The following PER3 variants were observed in gnomAD, a reference collection of about 807,000 sequenced individuals.
The protein encoded by PER3 is period circadian protein homolog 3.
In PER3, 107 loss-of-function variants were observed where a neutral mutation model predicts 127.2. The observed-to-expected ratio is 0.84, with a 90% CI of 0.72 to 0.99. PER3 has a LOEUF of 0.99. Among genes scored for constraint, PER3 ranks in the 50% least tolerant of loss-of-function variants. The probability of loss-of-function intolerance (pLI) is 0.00; values close to 1 mark genes in which losing one functional copy is unlikely to be tolerated. For missense variants in PER3, 1,560 were observed against 1,525.8 expected, an observed-to-expected ratio of 1.02 and a Z score of -0.37; for synonymous variants, 618 against 585.8, an observed-to-expected ratio of 1.05 and a Z score of -0.79.
At chr1:7,786,289 A>G (rs1233806135) in intron 3 of PER3, among the ~76,000 whole-genome samples, 1 of 152,188 alleles carries the variant, frequency 6.6e-6, no homozygotes, top group Non-Finnish European at 1.5e-5. Context: ...CAGTAATGAT[A>G]TATCAGGAAT....
intron 5 of PER3, among the ~76,000 whole-genome samples, chr1:7,790,796 G>A (rs1266163409): frequency 1.3e-5 from 2 of 152,034 alleles, no homozygotes; most frequent in Non-Finnish European, 2.9e-5. Flanking sequence ...GGAGAAATTG[G>A]CCAAAACAAA....
chr1:7,794,096 C>T, intron 6 of PER3, 88 bp downstream of exon 6: 1 of 1,058,772 alleles, frequency 9.4e-7, no homozygotes, highest in Non-Finnish European at 1.5e-6. Context: ...GTATTCAGCT[C>T]ACTTCTGTTG....
chr1:7,831,457 G>T (rs1040169265), intron 19 of PER3, among the ~76,000 whole-genome samples: 5 of 151,760 alleles, frequency 3.3e-5, no homozygotes, highest in African/African-American at 4.8e-5. Context: ...TTGCCTCATT[G>T]AACTGGCTAG....
intron 7 of PER3, among the ~76,000 whole-genome samples, chr1:7,800,841 AAG>A (rs1553306865): frequency 6.7e-6 from 1 of 148,766 alleles, no homozygotes; most frequent in Non-Finnish European, 1.5e-5. Context: ...AAAAAAAAAA[AAG>A]AGAGAAAACT....
intron 16 of PER3, among the ~76,000 whole-genome samples, chr1:7,822,334 C>T (rs2097281032): frequency 1.3e-5 from 2 of 151,770 alleles, no homozygotes; most frequent in Admixed American, 1.3e-4. Context: ...CAGCTCACTA[C>T]AGCCTCCACC....
chr1:7,786,712 G>A lies in PER3; in HGVS notation c.275-9G>A, dbSNP rs182687404. The A allele has an allele frequency of 6.1e-5, 89 of 1,452,322 alleles. No homozygotes were observed. The African/African-American group carries it at 1.2e-3, about 19-fold the overall frequency. The allele number at this position is 1,452,322 out of a possible 1,614,324, so 90.0% of individuals were successfully genotyped here. A position where few individuals can be genotyped will look rare whatever the true frequency, so the allele number is the denominator to read the frequency against. On this transcript the variant is annotated splice_polypyrimidine_tract_variant and intron_variant, in intron 3 of 21. Coordinates refer to ENST00000377532, the MANE Select transcript of PER3 (RefSeq NM_001377275.1). ...CTGGACTACCTGTTTATCTCCCTGT[G>A]TTTCTTAGCAAACAGTGAGTTTTTC...
intron 5 of PER3, among the ~76,000 whole-genome samples, chr1:7,789,828 T>C (rs1307685275): frequency 2.0e-5 from 3 of 152,254 alleles, no homozygotes; most frequent in Non-Finnish European, 4.4e-5. Flanking sequence ...ACATAAGCTC[T>C]AGAAAACATG....
intron 8 of PER3, among the ~76,000 whole-genome samples, chr1:7,802,207 A>G (rs963323924): frequency 6.6e-6 from 1 of 152,002 alleles, no homozygotes; most frequent in Non-Finnish European, 1.5e-5. Context: ...TCCTGAAACT[A>G]TTTCTGTGTA....
Position 7,820,205 on chromosome 1 carries a change from G to C in PER3, c.1749G>C (p.Gln583His), listed in dbSNP as rs2097269681. The change falls in exon 15 of 22, where the codon CAG becomes CAC. Residue 583 changes from glutamine (Q) to histidine (H), a missense_variant. Gln to His is a conservative substitution (Grantham distance 24, BLOSUM62 0). Transcript: ENST00000377532. ...CTTCCTCCTCAGAAGAAGACAAACA[G>C]AACCACAAGGCAGATGATGTCCAAG... ...TTSSSSEEDK[Q>H]NHKADDVQAL... 2 of 1,613,718 alleles carry C rather than the reference G, an allele frequency of 1.2e-6. No individual in the cohort carries two copies. Among genetic ancestry groups the C allele is most frequent in the South Asian group, 1.1e-5 (1 of 91,068 alleles).
chr1:7,836,902 T>G, intron 20 of PER3, 97 bp from the exon 21 acceptor site: 1 of 847,410 alleles, frequency 1.2e-6, no homozygotes, highest in Non-Finnish European at 1.9e-6. Flanking sequence ...AAATGTAAGG[T>G]GTATTACCAA....
Position 7,827,779 on chromosome 1 carries a change from T to A in PER3, c.2850T>A (p.Asp950Glu), listed in dbSNP as rs751554991. 1.6e-5 allele frequency: 26 copies of A among 1,613,758 alleles called. No individual in the cohort carries two copies. The highest frequency in any genetic ancestry group is 2.2e-5 in the Non-Finnish European group (26 of 1,179,960). Residue 950 changes from aspartate (D) to glutamate (E), a missense_variant, in exon 18 of 22, where the codon GAT becomes GAA. Around this residue, in one of 3 missense-constraint regions of PER3, gnomAD observed 1,332 missense variants for 1,223.6 expected, o/e 1.09. Transcript: ENST00000377532. Reference protein sequence around the residue: ...EEMPRPSESPDQMRRNTCPQT... With the variant: ...EEMPRPSESPEQMRRNTCPQT... ...TGCCCAGACCCTCTGAATCTCCAGATCAGATGAGAAGGAACACGTGCCCAC... is the reference window on the plus strand; with the variant it reads ...TGCCCAGACCCTCTGAATCTCCAGAACAGATGAGAAGGAACACGTGCCCAC...
Position 7,800,841 on chromosome 1 carries a change from A to G in PER3, c.794-272A>G, listed in dbSNP as rs75253859. Among the ~76,000 whole-genome samples the G allele has an allele frequency of 2.3e-3, 342 of 148,726 alleles. 1 individual carries two copies. The highest frequency in any genetic ancestry group is 5.5e-3 in the East Asian group (28 of 5,082). On this transcript the variant is annotated intron_variant, in intron 7 of 21. Coordinates refer to ENST00000377532, the MANE Select transcript of PER3 (RefSeq NM_001377275.1). Reference sequence around the variant, plus strand: ...GACTCTGTCTCCAAAAAAAAAAAAAAAGAGAGAAAACTATTTAATGTGCAC... The same window carrying G: ...GACTCTGTCTCCAAAAAAAAAAAAAGAGAGAGAAAACTATTTAATGTGCAC...
chr1:7,801,003 C>CT, intron 7 of PER3, 110 bp from the exon 8 acceptor site: 1 of 723,180 alleles, frequency 1.4e-6, no homozygotes, highest in Non-Finnish European at 2.4e-6. Context: ...AATGAGATTT[C>CT]TACCATTTCA....
Position 7,829,930 on chromosome 1 carries a change from ACT to A in PER3, c.2984_2985del (p.Thr995SerfsTer87). The A allele has an allele frequency of 1.6e-6, 2 of 1,281,640 alleles. No homozygotes were observed. Among genetic ancestry groups the A allele is most frequent in the South Asian group, 1.7e-5 (1 of 57,358 alleles). 79.4% of individuals were successfully genotyped at this position (1,281,640 alleles called of 1,614,324 possible). A position where few individuals can be genotyped will look rare whatever the true frequency, so the allele number is the denominator to read the frequency against. ...SPPRENPSHP[T>X]ASALSTGSPP... ...TCCCAGGGAGAATCCATCCCATCCT[ACT>A]GCCAGCGCTCTGTCCACAGGATCGC... On this transcript the variant is annotated frameshift_variant, in exon 19 of 22. Coordinates refer to ENST00000377532, the MANE Select transcript of PER3 (RefSeq NM_001377275.1). LOFTEE classifies it high-confidence loss of function.
At chr1:7,801,092 T>TA in intron 7 of PER3, 21 bp from the exon 8 acceptor site, 1 of 1,107,318 alleles carries the variant, frequency 9.0e-7, no homozygotes, top group Non-Finnish European at 1.4e-6. Context: ...TTTAAATGGG[T>TA]CTTTGTTTTT....
chr1:7,825,054 T>A (rs1482334203), intron 16 of PER3, among the ~76,000 whole-genome samples: 1 of 151,698 alleles, frequency 6.6e-6, no homozygotes, highest in African/African-American at 2.4e-5. Flanking sequence ...TTTTTTTTTT[T>A]AATCTCAGGA....
intron 21 of PER3, among the ~76,000 whole-genome samples, chr1:7,838,062 C>CGT (rs79477792): frequency 0.24 from 35,855 of 151,022 alleles, 5,042 homozygotes; most frequent in East Asian, 0.47. Context: ...ACAAATAATT[C>CGT]GTGTGTGTGT....
chr1:7,826,764 G>A lies in PER3; in HGVS notation c.2188+54G>A, dbSNP rs549189479. On this transcript the variant is annotated intron_variant, in intron 17 of 21. Coordinates refer to ENST00000377532, the MANE Select transcript of PER3 (RefSeq NM_001377275.1). This position sits in a 1 kb window ranked among gnomAD's most constrained non-coding sequence, Gnocchi z 4.2. ...TTAATCTATGTAAATGTTACAAACTGTATCTAAGGACTAGGAGATAAGGAG... is the reference window on the plus strand; with the variant it reads ...TTAATCTATGTAAATGTTACAAACTATATCTAAGGACTAGGAGATAAGGAG... 11 of 1,057,624 alleles carry A rather than the reference G, an allele frequency of 1.0e-5. No homozygotes were observed. Among genetic ancestry groups the A allele is most frequent in the East Asian group, 7.5e-5 (3 of 40,062 alleles). 65.5% of individuals were successfully genotyped at this position (1,057,624 alleles called of 1,614,324 possible).
intron 16 of PER3, among the ~76,000 whole-genome samples, chr1:7,823,413 C>A (rs1410811467): frequency 6.6e-6 from 1 of 152,022 alleles, no homozygotes; most frequent in Non-Finnish European, 1.5e-5. Context: ...GAGGCCAAGG[C>A]GGGCGGATCA....
Sources: allele counts gnomAD v4.1 joint callset (sites outside exome capture counted in the v4.1 genomes callset), GRCh38; gene constraint gnomAD v4.1.1; regional missense constraint gnomAD v4.1.1; non-coding constraint Gnocchi (gnomAD v3.1); transcripts MANE v1.5; gene names NCBI Gene and HGNC (gene_info 2026-07-23, HGNC 2026-07-21).